RB1: variants seen among roughly 807,000 people sequenced by gnomAD.
The protein encoded by RB1 is retinoblastoma-associated protein.
A neutral mutation model predicts 135.4 loss-of-function variants in RB1; 18 were observed. That is an observed-to-expected ratio of 0.13 (90% CI 0.09 to 0.20). The LOEUF is 0.20. Ranked by LOEUF, RB1 falls within the 10% of genes least tolerant of loss-of-function variation. RB1 has a pLI of 1.00. For missense variants in RB1, 868 were observed against 1,110.0 expected, an observed-to-expected ratio of 0.78 and a Z score of 3.10; for synonymous variants, 365 against 373.2, an observed-to-expected ratio of 0.98 and a Z score of 0.25.
intron 17 of RB1, among the ~76,000 whole-genome samples, chr13:48,386,114 G>C (rs1244790929): frequency 6.6e-6 from 1 of 151,186 alleles, no homozygotes; most frequent in Admixed American, 6.6e-5. Context: ...TTGGGAGGCT[G>C]AGGCAACACA....
intron 1 of RB1, among the ~76,000 whole-genome samples, chr13:48,307,041 T>TA (rs1253253597): frequency 2.0e-5 from 3 of 152,244 alleles, no homozygotes; most frequent in Non-Finnish European, 4.4e-5. Context: ...ATATTTGACT[T>TA]ACCATGCAAG....
At position 48,394,418 on chromosome 13, in the gene RB1, G is replaced by A. The variant is rs539434270; in HGVS notation, c.1695+12975G>A. Among the ~76,000 whole-genome samples the A allele has an allele frequency of 3.5e-4, 53 of 152,280 alleles. 1 individual carries two copies. The South Asian group carries it at 0.011, about 30-fold the overall frequency. ...GCGAGTTAGAACCATTCACTCCCCC[G>A]GAAAGGGGGCTGAAGCCAGGGAGCC... On this transcript the variant is annotated intron_variant, in intron 17 of 26. Coordinates refer to ENST00000267163, the MANE Select transcript of RB1 (RefSeq NM_000321.3).
intron 6 of RB1, among the ~76,000 whole-genome samples, chr13:48,358,041 G>A (rs569585080): frequency 1.3e-5 from 2 of 152,186 alleles, no homozygotes; most frequent in African/African-American, 4.8e-5. Context: ...CTTCCTGCTG[G>A]CTGCACAGAC....
chr13:48,313,827 C>T (rs1423513256), intron 2 of RB1, among the ~76,000 whole-genome samples: 3 of 140,330 alleles, frequency 2.1e-5, no homozygotes, highest in Non-Finnish European at 4.5e-5. Flanking sequence ...CGGCTTCCTG[C>T]AAGCTCCGCC....
chr13:48,480,340 A>G lies in RB1; in HGVS notation c.*269A>G. The G allele has an allele frequency of 5.9e-6, 3 of 509,634 alleles. No homozygotes were observed. The South Asian group carries it at 6.3e-5, about 11-fold the overall frequency. The allele number at this position is 509,634 out of a possible 1,614,324, so 31.6% of individuals were successfully genotyped here. On this transcript the variant is annotated 3_prime_UTR_variant, in exon 27 of 27. Transcript: ENST00000267163. The stretch of plus-strand genomic sequence containing the variant: ...AGATTGTTTCCTCTTCCAAAGTAAA[A>G]TTGCTGTGCTTTATGGATAGTAAGA...
In RB1 at chr13:48,303,787, CAG is replaced by C; in HGVS notation, c.-125_-124del. 1 of 1,393,158 alleles carries C rather than the reference CAG, an allele frequency of 7.2e-7. No homozygotes were observed. The highest frequency in any genetic ancestry group is 1.5e-5 in the African/African-American group (1 of 66,064). The allele number at this position is 1,393,158 out of a possible 1,614,324, so 86.3% of individuals were successfully genotyped here. A position where few individuals can be genotyped will look rare whatever the true frequency, so the allele number is the denominator to read the frequency against. The stretch of plus-strand genomic sequence containing the variant: ...GGGGGAGGGCGCGTCCGGTTTTTCT[CAG>C]GGGACGTTGAAATTATTTTTGTAAC... On this transcript the variant is annotated 5_prime_UTR_variant, in exon 1 of 27. Coordinates refer to ENST00000267163, the MANE Select transcript of RB1 (RefSeq NM_000321.3).
At chr13:48,368,075 A>T (rs1356328073) in intron 10 of RB1, among the ~76,000 whole-genome samples, 1 of 152,206 alleles carries the variant, frequency 6.6e-6, no homozygotes, top group Non-Finnish European at 1.5e-5. Flanking sequence ...TTGTGTCTTT[A>T]GCATGAACTC....
intron 17 of RB1, among the ~76,000 whole-genome samples, chr13:48,438,155 T>C (rs1949202463): frequency 6.6e-6 from 1 of 152,236 alleles, no homozygotes; most frequent in Non-Finnish European, 1.5e-5. Flanking sequence ...ATTTCCTTGC[T>C]ATGAAATCTG....
intron 6 of RB1, among the ~76,000 whole-genome samples, chr13:48,350,760 C>T (rs192680333): frequency 6.6e-5 from 10 of 152,184 alleles, no homozygotes; most frequent in Admixed American, 4.6e-4. Flanking sequence ...ACCCCAGTGC[C>T]TGTTGTTTCC....
chr13:48,357,051 C>A (rs765398597), intron 6 of RB1, among the ~76,000 whole-genome samples: 2 of 151,462 alleles, frequency 1.3e-5, no homozygotes, highest in African/African-American at 4.8e-5. Context: ...ATACCTTAAA[C>A]AGGATAACAT....
intron 1 of RB1, among the ~76,000 whole-genome samples, chr13:48,306,211 C>T (rs1287572427): frequency 1.3e-5 from 2 of 152,074 alleles, no homozygotes; most frequent in Non-Finnish European, 2.9e-5. Context: ...TTGAGAGGAG[C>T]CTGGGCAACA....
intron 17 of RB1, among the ~76,000 whole-genome samples, chr13:48,418,430 C>A (rs1948950794): frequency 6.6e-6 from 1 of 152,082 alleles, no homozygotes; most frequent in South Asian, 2.1e-4. Flanking sequence ...CAAAAACATA[C>A]CAAATTGTAA....
chr13:48,383,390 G>A (rs1948551509), intron 17 of RB1, among the ~76,000 whole-genome samples: 1 of 152,036 alleles, frequency 6.6e-6, no homozygotes, highest in Non-Finnish European at 1.5e-5. Context: ...ATAATACTTT[G>A]TGAATCATCA....
intron 2 of RB1, chr13:48,317,039 G>A (rs907875793): frequency 9.0e-6 from 6 of 664,502 alleles, no homozygotes; most frequent in Admixed American, 3.5e-5. Flanking sequence ...TCCTCCTGTC[G>A]GGCAAACTCC....
At chr13:48,348,909 G>T in intron 5 of RB1, 47 bp from the exon 6 acceptor site, 1 of 1,578,508 alleles carries the variant, frequency 6.3e-7, no homozygotes, top group Non-Finnish European at 8.6e-7. Flanking sequence ...CTTTCTTTCA[G>T]TGATACATTT....
rs1952218061 is a variant in RB1 at position 48,319,731 on chromosome 13, G to T, written c.264+12325G>T. On this transcript the variant is annotated intron_variant, in intron 2 of 26. Coordinates refer to ENST00000267163, the MANE Select transcript of RB1 (RefSeq NM_000321.3). The surrounding 1 kb of genome is among the most constrained non-coding windows in gnomAD (Gnocchi z 5.0). ...CTTGGTCGAATTTTCGTTTGGGTCT[G>T]GTTTTTTATCTATTGACCCCATCAC... The T allele has an allele frequency of 7.6e-6, 2 of 263,364 alleles. No individual in the cohort carries two copies. The highest frequency in any genetic ancestry group is 9.3e-5 in the East Asian group (1 of 10,710). 16.3% of individuals were successfully genotyped at this position (263,364 alleles called of 1,614,324 possible).
At chr13:48,440,960 C>A (rs1023191734) in intron 17 of RB1, among the ~76,000 whole-genome samples, 1 of 152,118 alleles carries the variant, frequency 6.6e-6, no homozygotes, top group Non-Finnish European at 1.5e-5. Context: ...AAAAAAGAAT[C>A]CTGCAGACAT....
chr13:48,448,238 A>G (rs1469118338), intron 17 of RB1, among the ~76,000 whole-genome samples: 4 of 152,214 alleles, frequency 2.6e-5, no homozygotes, highest in African/African-American at 9.6e-5. Context: ...GATGAAAGCC[A>G]TTATTTACAC....
intron 6 of RB1, among the ~76,000 whole-genome samples, chr13:48,354,164 A>G (rs1952571627): frequency 6.6e-6 from 1 of 152,146 alleles, no homozygotes; most frequent in Non-Finnish European, 1.5e-5. Context: ...TGCAGCTGAT[A>G]CAATCTTATA....
Sources: allele counts gnomAD v4.1 joint callset (sites outside exome capture counted in the v4.1 genomes callset), GRCh38; gene constraint gnomAD v4.1.1; non-coding constraint Gnocchi (gnomAD v3.1); transcripts MANE v1.5; gene names NCBI Gene and HGNC (gene_info 2026-07-23, HGNC 2026-07-21).